AARS1: variants seen among roughly 807,000 people sequenced by gnomAD.
AARS1 encodes alanine--tRNA ligase, cytoplasmic.
A neutral mutation model predicts 108.9 loss-of-function variants in AARS1; 72 were observed. The ratio of observed to expected loss-of-function variants is 0.66; its 90% CI spans 0.55 to 0.80. The LOEUF is 0.80. Ranked by LOEUF, AARS1 falls within the 30% of genes least tolerant of loss-of-function variation. The pLI, the probability that AARS1 is intolerant of heterozygous loss-of-function variation, is 0.00. For synonymous variants in AARS1, 489 were observed against 465.7 expected (o/e 1.05, Z -0.64); for missense variants, 1,193 against 1,233.2 (o/e 0.97, Z 0.49).
intron 7 of AARS1, among the ~76,000 whole-genome samples, chr16:70,269,111 G>T (rs1960331505): frequency 6.6e-6 from 1 of 151,846 alleles, no homozygotes; most frequent in Non-Finnish European, 1.5e-5. Context: ...ATCACCTGAG[G>T]TTGGGAGTTT....
intron 13 of AARS1, among the ~76,000 whole-genome samples, chr16:70,260,526 G>A (rs1293652728): frequency 1.3e-5 from 2 of 152,130 alleles, no homozygotes; most frequent in African/African-American, 2.4e-5. Flanking sequence ...AAGTCCACGG[G>A]ATCTTAACTG....
At position 70,255,732 on chromosome 16, in the gene AARS1, T is replaced by C. The variant is rs748340338; in HGVS notation, c.2282A>G (p.Gln761Arg). The C allele has an allele frequency of 1.9e-6, 3 of 1,614,124 alleles. No individual in the cohort carries two copies. Among genetic ancestry groups the C allele is most frequent in the South Asian group, 2.2e-5 (2 of 91,072 alleles). ...RIVAVTGAEA[Q>R]KALRKAESLK... ...AAACCAGCCTGACCTGCTCACCTTC[T>C]GGGCCTCGGCACCTGTGACAGCCAC... Residue 761 changes from glutamine (Q) to arginine (R), a missense_variant, in exon 16 of 21, where the codon CAG becomes CGG. Transcript: ENST00000261772.
In AARS1 at chr16:70,252,632, T is replaced by G. The variant is rs562039109; in HGVS notation, c.*89A>C. Reference sequence around the variant, plus strand: ...TACTGCTGGGTTAGGAGGGGCTCTTTAAAGGTCCCAAGATTCAAATGTTCT... The same window carrying G: ...TACTGCTGGGTTAGGAGGGGCTCTTGAAAGGTCCCAAGATTCAAATGTTCT... On this transcript the variant is annotated 3_prime_UTR_variant, in exon 21 of 21. Coordinates refer to ENST00000261772, the MANE Select transcript of AARS1 (RefSeq NM_001605.3). 2 of 1,485,274 alleles carry G rather than the reference T, an allele frequency of 1.3e-6. No homozygotes were observed. The highest frequency in any genetic ancestry group is 1.1e-5 in the South Asian group (1 of 87,724). The allele number at this position is 1,485,274 out of a possible 1,614,324, so 92.0% of individuals were successfully genotyped here. A position where few individuals can be genotyped will look rare whatever the true frequency, so the allele number is the denominator to read the frequency against.
chr16:70,283,262 T>G (rs1180944835), intron 1 of AARS1, among the ~76,000 whole-genome samples: 1 of 151,934 alleles, frequency 6.6e-6, no homozygotes, highest in Non-Finnish European at 1.5e-5. Context: ...CTGGGCATGG[T>G]GGTGCGTGCC....
At chr16:70,263,765 T>C (rs373783148) in intron 11 of AARS1, among the ~76,000 whole-genome samples, 2 of 151,852 alleles carry the variant, frequency 1.3e-5, no homozygotes, top group South Asian at 2.1e-4. Flanking sequence ...GCCCCACAAA[T>C]AGCTGGGACT....
intron 4 of AARS1, among the ~76,000 whole-genome samples, chr16:70,272,634 C>T (rs927030793): frequency 1.4e-5 from 2 of 147,988 alleles, no homozygotes; most frequent in Admixed American, 1.4e-4. Flanking sequence ...AATGAAAATA[C>T]ACAAGGACAT....
chr16:70,269,124 G>T (rs957692031), intron 7 of AARS1, among the ~76,000 whole-genome samples: 2 of 151,822 alleles, frequency 1.3e-5, no homozygotes, highest in Non-Finnish European at 2.9e-5. Context: ...GGGAGTTTGA[G>T]ACCAGCCTGA....
At chr16:70,257,422 CA>C (rs1048477252) in intron 15 of AARS1, among the ~76,000 whole-genome samples, 1 of 151,940 alleles carries the variant, frequency 6.6e-6, no homozygotes. Context: ...TTCAAAAAAA[CA>C]AACAAAAAAA....
chr16:70,287,367 G>A (rs1397980024), intron 1 of AARS1, among the ~76,000 whole-genome samples: 1 of 151,168 alleles, frequency 6.6e-6, no homozygotes, highest in Admixed American at 6.6e-5. Context: ...GGCGGTGGCT[G>A]CAGCGAGCCG....
chr16:70,288,274 G>T (rs1212453550), intron 1 of AARS1, among the ~76,000 whole-genome samples: 1 of 151,126 alleles, frequency 6.6e-6, no homozygotes, highest in Admixed American at 6.6e-5. Context: ...ACCACGCCCG[G>T]CTATTTTTGT....
intron 19 of AARS1, 22 bp downstream of exon 19, chr16:70,253,692 G>A (rs1179533783): frequency 6.2e-7 from 1 of 1,611,902 alleles, no homozygotes; most frequent in South Asian, 1.1e-5. Flanking sequence ...CCTAGGGGAG[G>A]GGACCCTGGC....
rs1233423381 is a variant in AARS1, at chr16:70,270,849, A to G, written c.672-509T>C. Among the ~76,000 whole-genome samples, 6 of 123,300 alleles carry G rather than the reference A, an allele frequency of 4.9e-5. No individual in the cohort carries two copies. In the East Asian group the frequency reaches 1.3e-3, roughly 27 times the overall value. The allele number at this position is 123,300 out of a possible 152,430, so 80.9% of individuals were successfully genotyped here. A position where few individuals can be genotyped will look rare whatever the true frequency, so the allele number is the denominator to read the frequency against. On this transcript the variant is annotated intron_variant, in intron 5 of 20. Transcript: ENST00000261772. ...CAAAACTCCATCTCAAAAAAAAAAA[A>G]AAAAAAGAAAAGAAAAAGACTGGGC...
intron 2 of AARS1, among the ~76,000 whole-genome samples, chr16:70,278,227 T>G (rs970434338): frequency 1.3e-4 from 20 of 151,814 alleles, no homozygotes; most frequent in African/African-American, 4.8e-4. Context: ...TTTATAAAAA[T>G]AAAAAACTAA....
At chr16:70,254,566 G>T in intron 17 of AARS1, 55 bp downstream of exon 17, 2 of 1,221,800 alleles carry the variant, frequency 1.6e-6, no homozygotes, top group South Asian at 2.4e-5. Flanking sequence ...TCCTGAAGAC[G>T]GGGCATGTTT....
At chr16:70,256,885 C>G (rs867528108) in intron 15 of AARS1, among the ~76,000 whole-genome samples, 4 of 151,174 alleles carry the variant, frequency 2.6e-5, no homozygotes, top group Non-Finnish European at 5.9e-5. Context: ...GAGGCTGAGG[C>G]GGGTGGGTCA....
Position 70,259,116 on chromosome 16 carries a change from A to G in AARS1, c.1856T>C (p.Leu619Pro), listed in dbSNP as rs1960070620. 6.2e-7 allele frequency: 1 copy of G among 1,614,050 alleles called. No homozygotes were observed. The highest frequency in any genetic ancestry group is 1.3e-5 in the African/African-American group (1 of 74,924). The change falls in exon 14 of 21, where the codon CTT becomes CCT. Residue 619 changes from leucine to proline, a missense_variant. Transcript: ENST00000261772. ...TGAGCCTTTCTGGTCAGCTTCCCCA[A>G]GCACTGAGCGCAGGGCGAAGTTCAG... is the stretch of plus-strand genomic sequence containing the variant. ...HILNFALRSV[L>P]GEADQKGSLV...
intron 1 of AARS1, among the ~76,000 whole-genome samples, chr16:70,283,415 GAAAAAAAA>G (rs936953665): frequency 7.2e-6 from 1 of 138,014 alleles, no homozygotes; most frequent in Admixed American, 7.4e-5. Context: ...AAAAAAGAAG[GAAAAAAAA>G]AAAGAAAAAA....
chr16:70,253,494 G>A (rs1959898317), intron 19 of AARS1, 113 bp from the exon 20 acceptor site: 5 of 1,089,212 alleles, frequency 4.6e-6, no homozygotes, highest in South Asian at 1.3e-5. Flanking sequence ...CCCAGAGCAG[G>A]GGCTGTGCCC....
chr16:70,264,508 G>T (rs1240861715), intron 11 of AARS1, among the ~76,000 whole-genome samples: 1 of 151,834 alleles, frequency 6.6e-6, no homozygotes, highest in Non-Finnish European at 1.5e-5. Context: ...GTAGAGATGG[G>T]GTTTCATCAT....
Sources: gnomAD v4.1 joint callset for allele counts (sites outside exome capture counted in the v4.1 genomes callset) on GRCh38, gnomAD v4.1.1 for gene constraint, MANE v1.5 for transcripts, NCBI Gene and HGNC (gene_info 2026-07-23, HGNC 2026-07-21) for gene names.